Variants in MYO18A observed in about 807,000 individuals in gnomAD.
MYO18A encodes the protein unconventional myosin-XVIIIa.
In MYO18A, 78 loss-of-function variants were observed where a neutral mutation model predicts 235.8. That is an observed-to-expected ratio of 0.33 (90% confidence interval 0.28 to 0.40). The LOEUF (loss-of-function observed/expected upper bound fraction) is 0.40, where lower values mean the gene tolerates loss of function less well. Among genes scored for constraint, MYO18A ranks in the 10% least tolerant of loss-of-function variants. The pLI is 1.00. For synonymous variants in MYO18A, 977 were observed against 1,077.8 expected (o/e 0.91, Z 1.83); for missense variants, 2,215 against 2,699.3 (o/e 0.82, Z 3.98).
At chr17:29,091,866 G>A (rs899417814) in intron 34 of MYO18A, 2 of 329,242 alleles carry the variant, frequency 6.1e-6, no homozygotes, top group Non-Finnish European at 1.2e-5. Context: ...TCTGCCGATG[G>A]ATGGGCCGTG....
intron 30 of MYO18A, 116 bp from the exon 31 acceptor site, chr17:29,094,206 T>C: frequency 1.4e-6 from 1 of 716,382 alleles, no homozygotes; most frequent in Non-Finnish European, 2.4e-6. Context: ...GCCAGTTCCC[T>C]TTGCTGGCAC....
intron 40 of MYO18A, among the ~76,000 whole-genome samples, chr17:29,083,222 C>T (rs1598269649): frequency 1.3e-5 from 2 of 152,112 alleles, no homozygotes; most frequent in African/African-American, 4.8e-5. Flanking sequence ...CTCAGGTAGC[C>T]CCCAGCCCTT....
chr17:29,116,218 T>C (rs1419015015), intron 11 of MYO18A, among the ~76,000 whole-genome samples: 2 of 152,164 alleles, frequency 1.3e-5, no homozygotes, highest in Admixed American at 6.5e-5. Flanking sequence ...GGGGGACTTA[T>C]CTTGAGAGAT....
chr17:29,095,390 C>G (rs1327182684), intron 28 of MYO18A, among the ~76,000 whole-genome samples: 4 of 152,186 alleles, frequency 2.6e-5, no homozygotes, highest in Admixed American at 1.3e-4. Context: ...GAATGAGGGA[C>G]CCAGGTGAGG....
At chr17:29,128,338 C>T in intron 2 of MYO18A, 2 of 1,272,096 alleles carry the variant, frequency 1.6e-6, no homozygotes, top group Non-Finnish European at 2.0e-6. Context: ...CCTTACTCAC[C>T]ACCTTCCTCA....
intron 2 of MYO18A, among the ~76,000 whole-genome samples, chr17:29,136,417 T>C (rs2067605208): frequency 6.6e-6 from 1 of 151,826 alleles, no homozygotes; most frequent in Admixed American, 6.6e-5. Flanking sequence ...TGGGAACATA[T>C]GGCTCTCTGG....
intron 2 of MYO18A, chr17:29,128,636 C>T: frequency 5.1e-6 from 5 of 985,502 alleles, no homozygotes; most frequent in Non-Finnish European, 6.6e-6. Flanking sequence ...GACCTCACGC[C>T]CTGGAACAGA....
intron 2 of MYO18A, among the ~76,000 whole-genome samples, chr17:29,139,049 C>A (rs2067672570): frequency 6.6e-6 from 1 of 152,190 alleles, no homozygotes; most frequent in South Asian, 2.1e-4. Context: ...ATGAGCTTGG[C>A]AGGGACAACC....
At chr17:29,134,592 G>A (rs1011244024) in intron 2 of MYO18A, among the ~76,000 whole-genome samples, 1 of 152,068 alleles carries the variant, frequency 6.6e-6, no homozygotes, top group Non-Finnish European at 1.5e-5. Flanking sequence ...GCGTGATCTC[G>A]GCTCACTGCA....
rs1050387353 is a variant in MYO18A, at chr17:29,106,373, GCA to G, written c.3441+705_3441+706del. ...AAGGCAGGGGTGGAGGGGCAGGGGG[GCA>G]CACACAGAGGCAGGCTGGGCACTCT... On this transcript the variant is annotated intron_variant, in intron 20 of 41. Transcript: ENST00000527372. This position sits in a 1 kb window ranked among gnomAD's most constrained non-coding sequence, Gnocchi z 4.6. 2.6e-5 allele frequency among the ~76,000 whole-genome samples: 4 copies of G among 152,292 alleles called. No individual in the cohort carries two copies. The highest frequency in any genetic ancestry group is 4.1e-4 in the South Asian group (2 of 4,828).
intron 2 of MYO18A, among the ~76,000 whole-genome samples, chr17:29,148,865 G>A (rs1025866952): frequency 1.1e-4 from 17 of 152,202 alleles, no homozygotes; most frequent in Non-Finnish European, 1.9e-4. Flanking sequence ...CCTACGCACG[G>A]GTCAGGCTCT....
intron 2 of MYO18A, among the ~76,000 whole-genome samples, chr17:29,164,144 C>A (rs1056955374): frequency 6.6e-6 from 1 of 152,246 alleles, no homozygotes; most frequent in Non-Finnish European, 1.5e-5. Flanking sequence ...CCCGCCTCAG[C>A]CTCCCAAAGT....
chr17:29,104,149 C>CAT (rs2066723413), intron 20 of MYO18A, among the ~76,000 whole-genome samples: 1 of 152,152 alleles, frequency 6.6e-6, no homozygotes, highest in East Asian at 1.9e-4. Context: ...TGTGGAGCCC[C>CAT]ATGTGCTTCG....
rs541492908 is a variant in MYO18A at position 29,140,465 on chromosome 17, C to T, written c.1000-18212G>A. On this transcript the variant is annotated intron_variant, in intron 2 of 41. Coordinates refer to ENST00000527372, the MANE Select transcript of MYO18A (RefSeq NM_078471.4). The surrounding 1 kb of genome is among the most constrained non-coding windows in gnomAD (Gnocchi z 4.2). ...CCAGTTCCCGCCCTCTCCCCGGCCC[C>T]TCCCGTCCCGAGCTGCCCAGCCCTA... The T allele has an allele frequency of 2.9e-4, 355 of 1,211,768 alleles. 6 individuals carry two copies. In the South Asian group the frequency reaches 4.7e-3, roughly 16 times the overall value. The allele number at this position is 1,211,768 out of a possible 1,614,324, so 75.1% of individuals were successfully genotyped here.
intron 2 of MYO18A, among the ~76,000 whole-genome samples, chr17:29,131,214 G>A (rs1024676876): frequency 6.6e-6 from 1 of 152,160 alleles, no homozygotes; most frequent in South Asian, 2.1e-4. Flanking sequence ...AGCCACACAG[G>A]AAGGGGCCCC....
At position 29,094,707 on chromosome 17, in the gene MYO18A, G is replaced by A. The variant is rs913631860; in HGVS notation, c.4653C>T (p.Val1551=). The A allele has an allele frequency of 1.2e-5, 19 of 1,613,888 alleles. No homozygotes were observed. The African/African-American group carries it at 2.1e-4, about 18-fold the overall frequency. The stretch of plus-strand genomic sequence containing the variant: ...CATCCAGCTCTTCTTCCTGATCCTT[G>A]ACTTTGGCCTCCAGGTCCCGGAGCT... ...KKQLRDLEAK[V]KDQEEELDEQ... Residue 1551 remains valine (V), a synonymous_variant, in exon 30 of 42, where the codon GTC becomes GTT. Transcript: ENST00000527372.
chr17:29,089,092 A>T (rs536173433), intron 37 of MYO18A, among the ~76,000 whole-genome samples: 156 of 151,816 alleles, frequency 1.0e-3, no homozygotes, highest in African/African-American at 3.6e-3. Context: ...CTTATAATAA[A>T]GGGAGAGGAG....
chr17:29,073,662 TGGA>T lies in MYO18A; in HGVS notation c.*1105_*1107del. On this transcript the variant is annotated 3_prime_UTR_variant, in exon 42 of 42. Coordinates refer to ENST00000527372, the MANE Select transcript of MYO18A (RefSeq NM_078471.4). ...ACTGCACTTGGGCTCCCAAGTCTGG[TGGA>T]GTTCTCAGGGATAACCTTTTTAGGG... The T allele has an allele frequency of 1.6e-6, 1 of 606,402 alleles. No homozygotes were observed. The highest frequency in any genetic ancestry group is 2.8e-6 in the Non-Finnish European group (1 of 353,548). The allele number at this position is 606,402 out of a possible 1,614,324, so 37.6% of individuals were successfully genotyped here.
chr17:29,081,349 C>T (rs1274844307), intron 41 of MYO18A, among the ~76,000 whole-genome samples: 4 of 152,172 alleles, frequency 2.6e-5, no homozygotes. Flanking sequence ...TGGTGAACCA[C>T]GGCAGTGGGG....
Sources: allele counts gnomAD v4.1 joint callset (sites outside exome capture counted in the v4.1 genomes callset), GRCh38; gene constraint gnomAD v4.1.1; non-coding constraint Gnocchi (gnomAD v3.1); transcripts MANE v1.5; gene names NCBI Gene and HGNC (gene_info 2026-07-23, HGNC 2026-07-21).